The following GIGYF2 variants were observed in gnomAD, a reference collection of about 807,000 sequenced individuals.
GIGYF2 encodes the protein GRB10-interacting GYF protein 2.
In GIGYF2, 25 loss-of-function variants were observed where a neutral mutation model predicts 208.1. That is an observed-to-expected ratio of 0.12 (90% CI 0.09 to 0.17). The LOEUF is 0.17. Among genes scored for constraint, GIGYF2 ranks in the 10% least tolerant of loss-of-function variants. The pLI, the probability that GIGYF2 is intolerant of heterozygous loss-of-function variation, is 1.00. For synonymous variants in GIGYF2, 534 were observed against 543.8 expected (o/e 0.98, Z 0.25); for missense variants, 1,302 against 1,579.4 (o/e 0.82, Z 2.98).
intron 3 of GIGYF2, among the ~76,000 whole-genome samples, chr2:232,740,804 A>G (rs1697942521): frequency 6.6e-6 from 1 of 152,232 alleles, no homozygotes; most frequent in Admixed American, 6.5e-5. Flanking sequence ...AAAGGAGAGA[A>G]GTTCTGGAGG....
Position 232,836,300 on chromosome 2 carries a change from ATATATATATATATATATATATATATAT to A in GIGYF2, c.2766+3208_2766+3234del, listed in dbSNP as rs1559160498. ...TATATATATATATATATATATATAT[ATATATATATATATATATATATATATAT>A]ATACATATATATACTTATATATTTA... On this transcript the variant is annotated intron_variant, in intron 22 of 28. Transcript: ENST00000373563. Among the ~76,000 whole-genome samples, 156 of 19,500 alleles carry A rather than the reference ATATATATATATATATATATATATATAT, an allele frequency of 8.0e-3. 33 individuals carry two copies. The highest frequency in any genetic ancestry group is 0.022 in the African/African-American group (139 of 6,354). The allele number at this position is 19,500 out of a possible 152,430, so 12.8% of individuals were successfully genotyped here.
chr2:232,744,720 T>A (rs900135744), intron 3 of GIGYF2, among the ~76,000 whole-genome samples: 3 of 152,060 alleles, frequency 2.0e-5, no homozygotes, highest in Admixed American at 6.5e-5. Context: ...TTTGTCAAGA[T>A]GGGGTTTCAT....
At chr2:232,735,350 T>C in intron 3 of GIGYF2, 112 bp downstream of exon 3, 1 of 767,266 alleles carries the variant, frequency 1.3e-6, no homozygotes, top group South Asian at 1.5e-5. Context: ...ACTTTTGCTT[T>C]ATGTGCCTCG....
chr2:232,793,972 C>G (rs1162029468), intron 12 of GIGYF2, among the ~76,000 whole-genome samples: 1 of 152,142 alleles, frequency 6.6e-6, no homozygotes, highest in African/African-American at 2.4e-5. Flanking sequence ...TAGAAGTCCC[C>G]TTATAGCAGG....
intron 8 of GIGYF2, among the ~76,000 whole-genome samples, chr2:232,769,739 T>A (rs1313410977): frequency 1.3e-5 from 2 of 152,056 alleles, no homozygotes; most frequent in Admixed American, 1.3e-4. Context: ...GTCTAAGAAG[T>A]AAGTACTTAC....
intron 12 of GIGYF2, among the ~76,000 whole-genome samples, chr2:232,792,435 T>C (rs1179428655): frequency 1.3e-5 from 2 of 152,184 alleles, no homozygotes; most frequent in Non-Finnish European, 2.9e-5. Flanking sequence ...AGCTGATTAT[T>C]TTTTTAAAGA....
intron 21 of GIGYF2, 29 bp downstream of exon 21, chr2:232,820,014 T>G (rs1489206132): frequency 6.2e-7 from 1 of 1,612,230 alleles, no homozygotes; most frequent in Non-Finnish European, 8.5e-7. Context: ...CTTCTAATTG[T>G]TCCTTTGAAG....
intron 8 of GIGYF2, among the ~76,000 whole-genome samples, chr2:232,779,286 T>C (rs1296125937): frequency 6.6e-6 from 1 of 152,232 alleles, no homozygotes; most frequent in Non-Finnish European, 1.5e-5. Context: ...TCCAAAATTA[T>C]AATGATTAAA....
intron 2 of GIGYF2, among the ~76,000 whole-genome samples, chr2:232,728,955 TCTTTCCTTTTCC>T (rs1697331007): frequency 2.0e-5 from 3 of 152,040 alleles, no homozygotes; most frequent in Admixed American, 6.6e-5. Context: ...TTTCCTTTTC[TCTTTCCTTTTCC>T]CTTTCCCTTC....
intron 2 of GIGYF2, among the ~76,000 whole-genome samples, chr2:232,713,564 AT>A (rs1221411617): frequency 2.6e-5 from 4 of 152,154 alleles, no homozygotes; most frequent in African/African-American, 9.7e-5. Context: ...TCCCTCATTT[AT>A]TTACATTTCC....
chr2:232,797,545 G>C (rs1700262080), intron 14 of GIGYF2, among the ~76,000 whole-genome samples: 1 of 147,386 alleles, frequency 6.8e-6, no homozygotes, highest in African/African-American at 2.6e-5. Context: ...AATTTATTTT[G>C]GGATAATCAT....
chr2:232,856,056 G>A (rs1016794085), intron 28 of GIGYF2, among the ~76,000 whole-genome samples: 4 of 151,836 alleles, frequency 2.6e-5, no homozygotes, highest in Non-Finnish European at 5.9e-5. Context: ...TCAGCCTCCC[G>A]AGTAGCTGGG....
At chr2:232,711,099 T>G (rs974384239) in intron 2 of GIGYF2, among the ~76,000 whole-genome samples, 2 of 140,914 alleles carry the variant, frequency 1.4e-5, no homozygotes, top group Non-Finnish European at 3.1e-5. Flanking sequence ...GTTTTTTATT[T>G]GTTAATTTTT....
At chr2:232,820,073 T>A in intron 21 of GIGYF2, 88 bp downstream of exon 21, 1 of 1,485,094 alleles carries the variant, frequency 6.7e-7, no homozygotes, top group Non-Finnish European at 9.3e-7. Context: ...GTAGCCTATC[T>A]AAAATTTTTT....
At chr2:232,750,466 G>A (rs952231541) in intron 5 of GIGYF2, among the ~76,000 whole-genome samples, 1 of 152,114 alleles carries the variant, frequency 6.6e-6, no homozygotes, top group Non-Finnish European at 1.5e-5. Context: ...AAGTAAATAT[G>A]GAAATATATT....
At chr2:232,725,870 T>C (rs1471139411) in intron 2 of GIGYF2, among the ~76,000 whole-genome samples, 1 of 152,230 alleles carries the variant, frequency 6.6e-6, no homozygotes, top group African/African-American at 2.4e-5. Flanking sequence ...AAATATTTCA[T>C]GGGATTTTGT....
chr2:232,793,719 T>G (rs1700139902), intron 12 of GIGYF2, among the ~76,000 whole-genome samples: 2 of 152,082 alleles, frequency 1.3e-5, no homozygotes, highest in Non-Finnish European at 2.9e-5. Flanking sequence ...GAACTTTGAG[T>G]AATTCCCATT....
intron 18 of GIGYF2, among the ~76,000 whole-genome samples, chr2:232,813,557 G>C (rs939665373): frequency 6.6e-6 from 1 of 152,086 alleles, no homozygotes; most frequent in Non-Finnish European, 1.5e-5. Flanking sequence ...GGATAGTTTG[G>C]TCCATGGGTA....
chr2:232,771,417 T>A, intron 8 of GIGYF2: 2 of 1,309,266 alleles, frequency 1.5e-6, no homozygotes, highest in Non-Finnish European at 2.2e-6. Context: ...TTAACTGTTT[T>A]ATAGTTAATG....
Sources: allele counts gnomAD v4.1 joint callset (sites outside exome capture counted in the v4.1 genomes callset), GRCh38; gene constraint gnomAD v4.1.1; transcripts MANE v1.5; gene names NCBI Gene and HGNC (gene_info 2026-07-23, HGNC 2026-07-21).